The following HOOK1 variants were observed in gnomAD, a reference collection of about 807,000 sequenced individuals.
HOOK1 encodes the protein hook microtubule tethering protein 1.
HOOK1 carries 60 observed loss-of-function variants against 112.8 expected under a neutral mutation model. The ratio of observed to expected loss-of-function variants is 0.53; its 90% CI spans 0.43 to 0.66. The LOEUF is 0.66. HOOK1 is among the 30% of genes least tolerant of loss of function. HOOK1 has a pLI of 0.00. For missense variants in HOOK1, 770 were observed against 856.0 expected (o/e 0.90, Z 1.25); for synonymous variants, 294 against 283.8 (o/e 1.04, Z -0.36).
chr1:59,844,242 C>G (rs779608435), intron 9 of HOOK1, among the ~76,000 whole-genome samples: 2 of 151,974 alleles, frequency 1.3e-5, no homozygotes, highest in Non-Finnish European at 2.9e-5. Flanking sequence ...CTTTAGCAAT[C>G]TCTGTATATA....
At chr1:59,848,824 T>G (rs2294950) in intron 11 of HOOK1, among the ~76,000 whole-genome samples, 20,399 of 151,530 alleles carry the variant, frequency 0.13, 1,538 homozygotes, top group African/African-American at 0.21. Flanking sequence ...ATTCTGTTTT[T>G]CTGTTTACTA....
intron 8 of HOOK1, among the ~76,000 whole-genome samples, chr1:59,842,050 A>T (rs566328132): frequency 2.0e-5 from 3 of 152,186 alleles, no homozygotes; most frequent in South Asian, 4.1e-4. Flanking sequence ...AAGCATATGG[A>T]TAGGAGCAAG....
At position 59,864,633 on chromosome 1, in the gene HOOK1, C is replaced by G. The variant is rs766449004; in HGVS notation, c.1628C>G (p.Ser543Cys). ...EQGSKSEGES[S>C]SKLKQKLEAH... ...AGCAATTTTTTTTAAATTTTATAGT[C>G]CAGCAAATTAAAGCAGAAGTTGGAA... The change falls in exon 17 of 22, where the codon TCC (serine) becomes TGC (cysteine). Residue 543 changes from serine to cysteine, a missense_variant and splice_region_variant. By Grantham distance (112) the Ser-to-Cys change is moderately radical (BLOSUM62 -1). Coordinates refer to ENST00000371208, the MANE Select transcript of HOOK1 (RefSeq NM_015888.6). The G allele has an allele frequency of 6.5e-7, 1 of 1,539,350 alleles. No individual in the cohort carries two copies. Among genetic ancestry groups the G allele is most frequent in the African/African-American group, 1.4e-5 (1 of 72,544 alleles).
At chr1:59,832,353 T>C (rs2098394618) in intron 4 of HOOK1, 140 bp downstream of exon 4, 2 of 591,528 alleles carry the variant, frequency 3.4e-6, no homozygotes, top group Admixed American at 3.4e-5. Flanking sequence ...TTGTCATTTT[T>C]ATAGAATGCT....
chr1:59,864,628 A>T lies in HOOK1; in HGVS notation c.1627-4A>T. Reference sequence around the variant, plus strand: ...CTTACAGCAATTTTTTTTAAATTTTATAGTCCAGCAAATTAAAGCAGAAGT... The same window carrying T: ...CTTACAGCAATTTTTTTTAAATTTTTTAGTCCAGCAAATTAAAGCAGAAGT... On this transcript the variant is annotated splice_polypyrimidine_tract_variant and splice_region_variant and intron_variant, in intron 16 of 21. Transcript: ENST00000371208. The T allele has an allele frequency of 6.5e-7, 1 of 1,533,000 alleles. No homozygotes were observed. Among genetic ancestry groups the T allele is most frequent in the Non-Finnish European group, 9.0e-7 (1 of 1,114,364 alleles). The allele number at this position is 1,533,000 out of a possible 1,614,324, so 95.0% of individuals were successfully genotyped here. A position where few individuals can be genotyped will look rare whatever the true frequency, so the allele number is the denominator to read the frequency against.
At chr1:59,861,768 T>C (rs1356197850) in intron 15 of HOOK1, among the ~76,000 whole-genome samples, 1 of 152,222 alleles carries the variant, frequency 6.6e-6, no homozygotes, top group Non-Finnish European at 1.5e-5. Flanking sequence ...GTACTTACTA[T>C]AAGGGTATTT....
At chr1:59,828,914 T>G in intron 3 of HOOK1, 62 bp downstream of exon 3, 1 of 1,293,768 alleles carries the variant, frequency 7.7e-7, no homozygotes, top group Non-Finnish European at 1.1e-6. Flanking sequence ...TAGCACTAAG[T>G]TAACCAAATC....
In HOOK1 at chr1:59,872,985, A is replaced by G. The variant is rs900322092; in HGVS notation, c.*20A>G. On this transcript the variant is annotated 3_prime_UTR_variant, in exon 22 of 22. Coordinates refer to ENST00000371208, the MANE Select transcript of HOOK1 (RefSeq NM_015888.6). ...GATTAAACTGCAAAAAAAACAAAAC[A>G]AAACAAAAAAACCACATAAAATAGA... is the stretch of plus-strand genomic sequence containing the variant. 16 of 1,432,566 alleles carry G rather than the reference A, an allele frequency of 1.1e-5. No homozygotes were observed. Among genetic ancestry groups the G allele is most frequent in the Non-Finnish European group, 1.4e-5 (15 of 1,078,534 alleles). The allele number at this position is 1,432,566 out of a possible 1,614,324, so 88.7% of individuals were successfully genotyped here. A position where few individuals can be genotyped will look rare whatever the true frequency, so the allele number is the denominator to read the frequency against.
intron 10 of HOOK1, among the ~76,000 whole-genome samples, 199 bp from the exon 11 acceptor site, chr1:59,848,116 G>A (rs562558567): frequency 6.6e-6 from 1 of 151,740 alleles, no homozygotes; most frequent in Admixed American, 6.6e-5. Context: ...ATACCAAATA[G>A]GTTGAACTTT....
Position 59,872,839 on chromosome 1 carries a change from C to T in HOOK1, c.2061C>T (p.Ser687=), listed in dbSNP as rs1335756516. Reference sequence around the variant, plus strand: ...TGGGGATGGAATCTAGACTTGTGAGCGGCGGTGGTGCCTGCAGTGACACTG... The same window carrying T: ...TGGGGATGGAATCTAGACTTGTGAGTGGCGGTGGTGCCTGCAGTGACACTG... ...QKLGMESRLV[S]GGGACSDTGA... is the part of the protein sequence containing the mutation. Residue 687 remains serine (S), a synonymous_variant, in exon 22 of 22, where the codon AGC becomes AGT. Transcript: ENST00000371208. The T allele has an allele frequency of 1.4e-5, 20 of 1,474,874 alleles. 1 individual carries two copies. Among genetic ancestry groups the T allele is most frequent in the Middle Eastern group, 1.8e-4 (1 of 5,676 alleles). 91.4% of individuals were successfully genotyped at this position (1,474,874 alleles called of 1,614,324 possible). A position where few individuals can be genotyped will look rare whatever the true frequency, so the allele number is the denominator to read the frequency against.
intron 3 of HOOK1, among the ~76,000 whole-genome samples, chr1:59,830,901 T>TG (rs2098393431): frequency 1.4e-5 from 2 of 139,218 alleles, no homozygotes; most frequent in Admixed American, 7.3e-5. Context: ...TTTTTTTAAG[T>TG]TTTTTTTTTT....
At chr1:59,856,125 T>A (rs2098410630) in intron 12 of HOOK1, among the ~76,000 whole-genome samples, 1 of 146,788 alleles carries the variant, frequency 6.8e-6, no homozygotes, top group Non-Finnish European at 1.5e-5. Context: ...TTTTTTTTTT[T>A]TTTAGACATG....
chr1:59,828,954 T>G (rs1263341132), intron 3 of HOOK1, 102 bp downstream of exon 3: 7 of 864,160 alleles, frequency 8.1e-6, no homozygotes, highest in Non-Finnish European at 1.1e-5. Context: ...TAGTACTTTT[T>G]GTTGTGTATA....
At chr1:59,818,205 T>A (rs1378260636) in intron 1 of HOOK1, among the ~76,000 whole-genome samples, 1 of 152,086 alleles carries the variant, frequency 6.6e-6, no homozygotes, top group African/African-American at 2.4e-5. Context: ...AACACACACA[T>A]TTGTCATGAT....
chr1:59,866,125 A>G (rs1398633816), intron 19 of HOOK1, among the ~76,000 whole-genome samples, 153 bp downstream of exon 19: 1 of 152,108 alleles, frequency 6.6e-6, no homozygotes, highest in African/African-American at 2.4e-5. Flanking sequence ...AGTATTTCCC[A>G]ATCAGTTCTC....
At chr1:59,850,966 C>T (rs891615705) in intron 12 of HOOK1, among the ~76,000 whole-genome samples, 4 of 151,560 alleles carry the variant, frequency 2.6e-5, no homozygotes, top group Non-Finnish European at 5.9e-5. Context: ...TTTAAAAATT[C>T]GTTTGACCAT....
chr1:59,856,974 A>G (rs1454107170), intron 12 of HOOK1, among the ~76,000 whole-genome samples: 2 of 151,988 alleles, frequency 1.3e-5, no homozygotes, highest in South Asian at 2.1e-4. Flanking sequence ...AAAGATTCCT[A>G]TGGGCATCTT....
At chr1:59,854,265 T>G (rs1260016591) in intron 12 of HOOK1, among the ~76,000 whole-genome samples, 1 of 151,220 alleles carries the variant, frequency 6.6e-6, no homozygotes, top group Non-Finnish European at 1.5e-5. Context: ...TTGGTCAGGC[T>G]GGTCTCAAAC....
chr1:59,856,113 C>CTT (rs759844337), intron 12 of HOOK1, among the ~76,000 whole-genome samples: 11 of 114,032 alleles, frequency 9.6e-5, no homozygotes, highest in East Asian at 7.6e-4. Flanking sequence ...TTTTGCTTTG[C>CTT]TTTTTTTTTT....
Sources: gnomAD v4.1 joint callset for allele counts (sites outside exome capture counted in the v4.1 genomes callset) on GRCh38, gnomAD v4.1.1 for gene constraint, MANE v1.5 for transcripts, NCBI Gene and HGNC (gene_info 2026-07-23, HGNC 2026-07-21) for gene names.